The following PITPNC1 variants were observed in gnomAD, a reference collection of about 807,000 sequenced individuals.
The protein encoded by PITPNC1 is cytoplasmic phosphatidylinositol transfer protein 1.
In PITPNC1, 18 loss-of-function variants were observed where a neutral mutation model predicts 44.7. That is an observed-to-expected ratio of 0.40 (90% confidence interval 0.28 to 0.60). The LOEUF is 0.60. PITPNC1 is among the 20% of genes least tolerant of loss of function. The pLI, the probability that PITPNC1 is intolerant of heterozygous loss-of-function variation, is 0.39. For synonymous variants in PITPNC1, 141 were observed against 149.6 expected (o/e 0.94, Z 0.42); for missense variants, 290 against 418.4 (o/e 0.69, Z 2.68).
At chr17:67,470,465 CT>C (rs1354329782) in intron 1 of PITPNC1, among the ~76,000 whole-genome samples, 1 of 152,248 alleles carries the variant, frequency 6.6e-6, no homozygotes, top group Non-Finnish European at 1.5e-5. Flanking sequence ...TCTTGCCTTT[CT>C]TAAAGTTTCC....
intron 1 of PITPNC1, among the ~76,000 whole-genome samples, chr17:67,389,963 G>C (rs2038113222): frequency 6.6e-6 from 1 of 152,078 alleles, no homozygotes; most frequent in Admixed American, 6.6e-5. Context: ...ACAGACGCGA[G>C]CCACCGTGCC....
At chr17:67,435,876 G>A (rs2038931034) in intron 1 of PITPNC1, among the ~76,000 whole-genome samples, 1 of 152,156 alleles carries the variant, frequency 6.6e-6, no homozygotes, top group Non-Finnish European at 1.5e-5. Flanking sequence ...CCGCCAAGAA[G>A]AACAATTTCA....
At chr17:67,604,143 T>C (rs372390747) in intron 5 of PITPNC1, among the ~76,000 whole-genome samples, 2 of 152,220 alleles carry the variant, frequency 1.3e-5, no homozygotes, top group South Asian at 2.1e-4. Flanking sequence ...CCTTACCTGA[T>C]TTTTTTCAAA....
At chr17:67,390,503 C>T (rs1311670353) in intron 1 of PITPNC1, among the ~76,000 whole-genome samples, 1 of 152,190 alleles carries the variant, frequency 6.6e-6, no homozygotes, top group Non-Finnish European at 1.5e-5. Context: ...CACGTGTTAG[C>T]AGAATAAATC....
At chr17:67,480,512 T>C (rs2039687730) in intron 1 of PITPNC1, among the ~76,000 whole-genome samples, 2 of 152,212 alleles carry the variant, frequency 1.3e-5, no homozygotes, top group African/African-American at 2.4e-5. Context: ...AGTGAAATAT[T>C]ATATCACCAC....
intron 5 of PITPNC1, among the ~76,000 whole-genome samples, chr17:67,587,561 A>AT (rs1292788129): frequency 1.3e-5 from 2 of 152,116 alleles, no homozygotes; most frequent in Non-Finnish European, 2.9e-5. Flanking sequence ...GTGGGTCATG[A>AT]TTTTTATCTA....
intron 1 of PITPNC1, among the ~76,000 whole-genome samples, chr17:67,421,559 A>T (rs1215456995): frequency 6.6e-6 from 1 of 152,168 alleles, no homozygotes; most frequent in Non-Finnish European, 1.5e-5. Flanking sequence ...CTGGGATTGC[A>T]GGTGTGAGCC....
intron 1 of PITPNC1, among the ~76,000 whole-genome samples, chr17:67,517,589 G>T (rs1279953307): frequency 2.0e-5 from 3 of 152,188 alleles, no homozygotes; most frequent in Non-Finnish European, 2.9e-5. Flanking sequence ...TAATAAAAAG[G>T]AAGTACTGAT....
At chr17:67,458,240 G>A (rs555069534) in intron 1 of PITPNC1, among the ~76,000 whole-genome samples, 61 of 152,036 alleles carry the variant, frequency 4.0e-4, no homozygotes, top group Middle Eastern at 6.8e-3. Context: ...CCAACATCTC[G>A]TCTCAGCATC....
intron 2 of PITPNC1, among the ~76,000 whole-genome samples, chr17:67,543,256 C>T (rs1461894113): frequency 2.0e-5 from 3 of 152,274 alleles, no homozygotes; most frequent in South Asian, 2.1e-4. Flanking sequence ...CCATCAGCAC[C>T]GCAGCTGCCC....
At chr17:67,680,876 A>G (rs1376727292) in intron 8 of PITPNC1, among the ~76,000 whole-genome samples, 1 of 152,182 alleles carries the variant, frequency 6.6e-6, no homozygotes, top group East Asian at 1.9e-4. Flanking sequence ...TGACCCAACT[A>G]CTTGTTCAAG....
intron 1 of PITPNC1, among the ~76,000 whole-genome samples, chr17:67,452,034 T>C (rs556004746): frequency 3.8e-4 from 57 of 151,866 alleles, no homozygotes; most frequent in African/African-American, 1.3e-3. Flanking sequence ...TTTTTTGAGA[T>C]AGGGTCTCAC....
chr17:67,624,214 C>CTTTTTTTTTTTTTTTTTTCT (rs71139163), intron 5 of PITPNC1, among the ~76,000 whole-genome samples: 1 of 127,122 alleles, frequency 7.9e-6, no homozygotes, highest in Non-Finnish European at 1.6e-5. Flanking sequence ...TCTTTCTTTT[C>CTTTTTTTTTTTTTTTTTTCT]TTTTTTTTTT....
At chr17:67,440,778 G>C (rs549903489) in intron 1 of PITPNC1, among the ~76,000 whole-genome samples, 1 of 151,620 alleles carries the variant, frequency 6.6e-6, no homozygotes, top group Non-Finnish European at 1.5e-5. Context: ...TAACTCCTGG[G>C]CTCAAGAAAT....
chr17:67,483,921 T>TC lies in PITPNC1; in HGVS notation c.49-48881_49-48880insC, dbSNP rs60597175. On this transcript the variant is annotated intron_variant, in intron 1 of 8. Coordinates refer to ENST00000581322, the MANE Select transcript of PITPNC1 (RefSeq NM_012417.4). ...CACCCTTGCTAACGTTTTCTTTCTT[T>TC]TTTTTTTTTTTTTTGAGGTGGAGTT... 5.6e-3 allele frequency among the ~76,000 whole-genome samples: 376 copies of TC among 67,118 alleles called. 3 individuals carry two copies. The highest frequency in any genetic ancestry group is 0.014 in the African/African-American group (277 of 20,122). The allele number at this position is 67,118 out of a possible 152,430, so 44.0% of individuals were successfully genotyped here. A position where few individuals can be genotyped will look rare whatever the true frequency, so the allele number is the denominator to read the frequency against.
At chr17:67,579,000 A>G (rs1342565090) in intron 5 of PITPNC1, among the ~76,000 whole-genome samples, 1 of 152,212 alleles carries the variant, frequency 6.6e-6, no homozygotes, top group Non-Finnish European at 1.5e-5. Flanking sequence ...AAAAAAAGAG[A>G]AAAGGAAATA....
intron 1 of PITPNC1, among the ~76,000 whole-genome samples, chr17:67,522,765 C>T (rs2040344459): frequency 6.7e-6 from 1 of 150,052 alleles, no homozygotes; most frequent in South Asian, 2.1e-4. Context: ...TGGGCTCAAG[C>T]GATCATCCCG....
chr17:67,465,119 G>T (rs934556683), intron 1 of PITPNC1, among the ~76,000 whole-genome samples: 1 of 152,234 alleles, frequency 6.6e-6, no homozygotes, highest in Non-Finnish European at 1.5e-5. Context: ...TCACAGAGGT[G>T]TGTGTTGCAT....
intron 4 of PITPNC1, among the ~76,000 whole-genome samples, chr17:67,561,242 G>A (rs2040902879): frequency 6.6e-6 from 1 of 152,178 alleles, no homozygotes; most frequent in Non-Finnish European, 1.5e-5. Flanking sequence ...GATCACTTGA[G>A]GTCAGGAGTT....
Sources: gnomAD v4.1 joint callset for allele counts (sites outside exome capture counted in the v4.1 genomes callset) on GRCh38, gnomAD v4.1.1 for gene constraint, MANE v1.5 for transcripts, NCBI Gene and HGNC (gene_info 2026-07-23, HGNC 2026-07-21) for gene names.